The following KCNG2 variants were observed in gnomAD, a reference collection of about 807,000 sequenced individuals.
KCNG2 encodes the protein voltage-gated potassium channel regulatory subunit KCNG2.
KCNG2 carries 7 observed loss-of-function variants against 12.3 expected under a neutral mutation model. The observed-to-expected ratio is 0.57, with a 90% CI of 0.32 to 1.07. KCNG2 has a LOEUF of 1.07. KCNG2 is among the 50% of genes least tolerant of loss of function. The pLI is 0.04. For missense variants in KCNG2, 703 were observed against 726.0 expected (o/e 0.97, Z 0.36); for synonymous variants, 414 against 351.4 (o/e 1.18, Z -1.99).
chr18:79,871,798 G>A (rs746057874), intron 3 of KCNG2, among the ~76,000 whole-genome samples: 7 of 152,252 alleles, frequency 4.6e-5, no homozygotes, highest in East Asian at 3.8e-4. Context: ...CTAACCCAGA[G>A]GCCACAGGCC....
Position 79,835,104 on chromosome 18 carries a change from G to A in KCNG2, c.-114-21275G>A, listed in dbSNP as rs565422788. Among the ~76,000 whole-genome samples, 441 of 152,298 alleles carry A rather than the reference G, an allele frequency of 2.9e-3. 3 individuals carry two copies. Among genetic ancestry groups the A allele is most frequent in the Non-Finnish European group, 4.8e-3 (329 of 68,014 alleles). On this transcript the variant is annotated intron_variant, in intron 1 of 3. Coordinates refer to ENST00000316249, the MANE Select transcript of KCNG2 (RefSeq NM_012283.2). The stretch of plus-strand genomic sequence containing the variant: ...ACCCCCATCCCGACCCACTGGTAAT[G>A]AGGAGCCCTCCCTCACCATGGATGT...
chr18:79,899,597 C>T lies in KCNG2; in HGVS notation c.1182C>T (p.Ile394=), dbSNP rs1465919751. The T allele has an allele frequency of 6.3e-7, 1 of 1,599,912 alleles. No homozygotes were observed. ...VVALSSILSG[I]LLMAFPVTSI... ...CGCTCAGCAGCATCCTCAGCGGCAT[C>T]CTGCTCATGGCCTTCCCGGTCACCT... Residue 394 remains isoleucine (I), a synonymous_variant, in exon 4 of 4, where the codon ATC becomes ATT. Transcript: ENST00000316249.
intron 1 of KCNG2, among the ~76,000 whole-genome samples, chr18:79,819,758 T>A (rs2087557442): frequency 6.6e-6 from 1 of 152,240 alleles, no homozygotes; most frequent in Non-Finnish European, 1.5e-5. Flanking sequence ...TTCAGTAGCA[T>A]GAATTCCAAC....
At chr18:79,843,917 A>G (rs1293846726) in intron 1 of KCNG2, among the ~76,000 whole-genome samples, 2 of 152,218 alleles carry the variant, frequency 1.3e-5, no homozygotes, top group Non-Finnish European at 2.9e-5. Flanking sequence ...GAAATTCTCC[A>G]ATCAAAAGAC....
intron 3 of KCNG2, among the ~76,000 whole-genome samples, chr18:79,868,593 G>C (rs530953591): frequency 2.5e-4 from 38 of 152,208 alleles, no homozygotes; most frequent in Non-Finnish European, 1.5e-4. Context: ...TGTTGGTGAC[G>C]TAACAAAACC....
At chr18:79,869,289 G>A (rs1449172326) in intron 3 of KCNG2, among the ~76,000 whole-genome samples, 1 of 152,162 alleles carries the variant, frequency 6.6e-6, no homozygotes, top group African/African-American at 2.4e-5. Flanking sequence ...CTCGGCTCAG[G>A]GACCACGGAA....
intron 3 of KCNG2, 48 bp from the exon 4 acceptor site, chr18:79,898,992 C>A: frequency 7.3e-7 from 1 of 1,379,172 alleles, no homozygotes; most frequent in Non-Finnish European, 9.5e-7. Context: ...GCGCCCCCGG[C>A]CCTCCAAGAG....
rs576810747 is a variant in KCNG2, at chr18:79,864,495, G to C, written c.624+204G>C. 4.0e-3 allele frequency among the ~76,000 whole-genome samples: 607 copies of C among 152,288 alleles called. 6 individuals carry two copies. Among genetic ancestry groups the C allele is most frequent in the African/African-American group, 0.014 (583 of 41,570 alleles). On this transcript the variant is annotated intron_variant, in intron 3 of 3. Transcript: ENST00000316249. ...GGGAGCGCCGCTGATGGTGGTCTTG[G>C]CCAACCTCCACCCCCAGCGGGAGAC...
chr18:79,879,377 G>C (rs1980204264), intron 3 of KCNG2, among the ~76,000 whole-genome samples: 1 of 152,188 alleles, frequency 6.6e-6, no homozygotes, highest in Non-Finnish European at 1.5e-5. Context: ...GGAAAGAATG[G>C]AGCCTGAAAG....
intron 1 of KCNG2, among the ~76,000 whole-genome samples, chr18:79,799,458 T>TG (rs975071131): frequency 5.9e-5 from 9 of 152,110 alleles, no homozygotes; most frequent in Non-Finnish European, 1.3e-4. Context: ...TTAGGGAATT[T>TG]GGGGGGCATT....
intron 1 of KCNG2, among the ~76,000 whole-genome samples, chr18:79,844,584 T>G (rs1978561760): frequency 6.6e-6 from 1 of 152,246 alleles, no homozygotes; most frequent in African/African-American, 2.4e-5. Flanking sequence ...TGCAAAGTGA[T>G]GGATATATTC....
At chr18:79,801,314 G>C (rs992299812) in intron 1 of KCNG2, among the ~76,000 whole-genome samples, 1 of 152,364 alleles carries the variant, frequency 6.6e-6, no homozygotes, top group East Asian at 1.9e-4. Context: ...TGTGAGAACC[G>C]GTACCTGTGA....
At chr18:79,874,560 G>C (rs942357492) in intron 3 of KCNG2, among the ~76,000 whole-genome samples, 1 of 152,360 alleles carries the variant, frequency 6.6e-6, no homozygotes, top group Non-Finnish European at 1.5e-5. Flanking sequence ...AAAGAGAAAA[G>C]TGCAAAGCGG....
chr18:79,890,214 T>C (rs1183079752), intron 3 of KCNG2, among the ~76,000 whole-genome samples: 1 of 152,228 alleles, frequency 6.6e-6, no homozygotes, highest in African/African-American at 2.4e-5. Context: ...GTTGGCCTCA[T>C]AGAATGAGCT....
Position 79,899,711 on chromosome 18 carries a change from C to T in KCNG2, c.1296C>T (p.Asp432=). 6.2e-7 allele frequency: 1 copy of T among 1,605,550 alleles called. No homozygotes were observed. Among genetic ancestry groups the T allele is most frequent in the Non-Finnish European group, 8.5e-7 (1 of 1,177,732 alleles). ...GCCCCGAGCCGGCCCTGCAGGAGGA[C>T]AGCACGCACTCGGCCACAGCCACCG... ...AASPEPALQE[D]STHSATATED... is the part of the protein sequence containing the mutation. The change falls in exon 4 of 4, where the codon GAC becomes GAT. Residue 432 remains aspartate, a synonymous_variant. Coordinates refer to ENST00000316249, the MANE Select transcript of KCNG2 (RefSeq NM_012283.2).
intron 1 of KCNG2, among the ~76,000 whole-genome samples, chr18:79,828,579 A>C (rs1978288048): frequency 6.6e-6 from 1 of 151,050 alleles, no homozygotes; most frequent in Non-Finnish European, 1.5e-5. Context: ...GTCTGTGTGC[A>C]TGTGTCTGCA....
chr18:79,819,608 G>A (rs1226013275), intron 1 of KCNG2, among the ~76,000 whole-genome samples: 1 of 152,212 alleles, frequency 6.6e-6, no homozygotes, highest in Non-Finnish European at 1.5e-5. Context: ...TGAGCTGAGC[G>A]CTCAGCCAAG....
At chr18:79,854,530 C>CTTTTTT (rs71163836) in intron 1 of KCNG2, among the ~76,000 whole-genome samples, 2 of 135,822 alleles carry the variant, frequency 1.5e-5, no homozygotes, top group Non-Finnish European at 3.1e-5. Flanking sequence ...CTTTCATTGG[C>CTTTTTT]TTTTTTTTTT....
chr18:79,866,505 TGCTGAGGTCTGG>T lies in KCNG2; in HGVS notation c.624+2216_624+2227del, dbSNP rs1204980813. Among the ~76,000 whole-genome samples, 81 of 131,208 alleles carry T rather than the reference TGCTGAGGTCTGG, an allele frequency of 6.2e-4. 1 individual carries two copies. The highest frequency in any genetic ancestry group is 9.0e-4 in the Non-Finnish European group (56 of 62,420). The allele number at this position is 131,208 out of a possible 152,430, so 86.1% of individuals were successfully genotyped here. On this transcript the variant is annotated intron_variant, in intron 3 of 3. Coordinates refer to ENST00000316249, the MANE Select transcript of KCNG2 (RefSeq NM_012283.2). ...AGGTCTGTGTGCTGAGAGGTCTGGG[TGCTGAGGTCTGG>T]GTGCTGAAGTCTGGGTGCTGAGAGG...
Sources: gnomAD v4.1 joint callset for allele counts (sites outside exome capture counted in the v4.1 genomes callset) on GRCh38, gnomAD v4.1.1 for gene constraint, MANE v1.5 for transcripts, NCBI Gene and HGNC (gene_info 2026-07-23, HGNC 2026-07-21) for gene names.